LAMA1: variants seen among roughly 807,000 people sequenced by gnomAD.
The protein encoded by LAMA1 is laminin subunit alpha 1.
In LAMA1, 219 loss-of-function variants were observed where a neutral mutation model predicts 348.7. The observed-to-expected ratio is 0.63, with a 90% CI of 0.56 to 0.70. The LOEUF (loss-of-function observed/expected upper bound fraction) is 0.70. Ranked by LOEUF, LAMA1 falls within the 30% of genes least tolerant of loss-of-function variation. LAMA1 has a pLI of 0.00. For missense variants in LAMA1, 3,744 were observed against 3,888.0 expected (o/e 0.96, Z 0.99); for synonymous variants, 1,487 against 1,491.0 (o/e 1.00, Z 0.06).
At chr18:6,997,499 C>T (rs555485854) in intron 33 of LAMA1, among the ~76,000 whole-genome samples, 1 of 152,148 alleles carries the variant, frequency 6.6e-6, no homozygotes, top group Non-Finnish European at 1.5e-5. Context: ...ATGAGGAGTC[C>T]TCCAGAGAGC....
intron 29 of LAMA1, among the ~76,000 whole-genome samples, chr18:7,004,235 A>T (rs758030629): frequency 6.6e-6 from 1 of 152,192 alleles, no homozygotes; most frequent in Non-Finnish European, 1.5e-5. Context: ...TGATGTAAAA[A>T]GGTTCAGTCG....
At chr18:6,983,011 A>C (rs1352875934) in intron 40 of LAMA1, 88 bp downstream of exon 40, 2 of 1,525,960 alleles carry the variant, frequency 1.3e-6, no homozygotes, top group Admixed American at 3.4e-5. Flanking sequence ...GTTAATAGGC[A>C]GAAATTGGGG....
At chr18:7,045,483 T>A (rs934060331) in intron 6 of LAMA1, among the ~76,000 whole-genome samples, 1 of 151,504 alleles carries the variant, frequency 6.6e-6, no homozygotes, top group Admixed American at 6.6e-5. Flanking sequence ...TAAATAAAAA[T>A]TTTAAAAAAT....
chr18:6,972,879 A>C (rs1351542027), intron 47 of LAMA1, among the ~76,000 whole-genome samples, 178 bp downstream of exon 47: 2 of 152,092 alleles, frequency 1.3e-5, no homozygotes. Context: ...TAGTAGAGAC[A>C]AGAGTTTCTC....
chr18:6,947,274 C>T lies in LAMA1; in HGVS notation c.8733G>A (p.Gln2911=). 1.2e-6 allele frequency: 2 copies of T among 1,613,924 alleles called. No individual in the cohort carries two copies. Among genetic ancestry groups the T allele is most frequent in the Non-Finnish European group, 1.7e-6 (2 of 1,180,028 alleles). The change falls in exon 61 of 63, where the codon CAG becomes CAA. Residue 2911 remains glutamine (Q), a synonymous_variant. Transcript: ENST00000389658. Reference sequence around the variant, plus strand: ...ACTCCAGTGTGATGTTCACATCTGACTGGACTTTGTAGCCCTCTTTGACTG... The same window carrying T: ...ACTCCAGTGTGATGTTCACATCTGATTGGACTTTGTAGCCCTCTTTGACTG... ...AALVKEGYKV[Q]SDVNITLEFR...
chr18:7,031,345 C>T (rs1450419459), intron 16 of LAMA1, among the ~76,000 whole-genome samples: 1 of 152,104 alleles, frequency 6.6e-6, no homozygotes, highest in Non-Finnish European at 1.5e-5. Flanking sequence ...ACAAGTCTTG[C>T]CCCACACCTG....
intron 3 of LAMA1, among the ~76,000 whole-genome samples, chr18:7,073,293 T>C (rs1335507050): frequency 6.6e-6 from 1 of 152,230 alleles, no homozygotes; most frequent in African/African-American, 2.4e-5. Context: ...ACTTTAGCCA[T>C]GTTTAAGTGT....
chr18:7,036,102 G>A lies in LAMA1; in HGVS notation c.1738-14C>T. 1 of 1,588,554 alleles carries A rather than the reference G, an allele frequency of 6.3e-7. No individual in the cohort carries two copies. Among genetic ancestry groups the A allele is most frequent in the South Asian group, 1.1e-5 (1 of 90,548 alleles). On this transcript the variant is annotated splice_polypyrimidine_tract_variant and intron_variant, in intron 12 of 62. Coordinates refer to ENST00000389658, the MANE Select transcript of LAMA1 (RefSeq NM_005559.4). Reference sequence around the variant, plus strand: ...AAACGCAGTCAGCTGAAATGTTTAAGCGAGAATGAACACGAAAGGGGAAGA... The same window carrying A: ...AAACGCAGTCAGCTGAAATGTTTAAACGAGAATGAACACGAAAGGGGAAGA...
chr18:6,954,153 C>T (rs1346529011), intron 57 of LAMA1: 1 of 152,216 alleles, frequency 6.6e-6, no homozygotes, highest in Non-Finnish European at 1.5e-5. Context: ...TGCACTGGCT[C>T]CCCATGTCGT....
chr18:7,074,132 C>T (rs1032141749), intron 3 of LAMA1, among the ~76,000 whole-genome samples: 9 of 152,124 alleles, frequency 5.9e-5, no homozygotes, highest in Non-Finnish European at 1.5e-5. Flanking sequence ...CACGCCCGGC[C>T]AGAACAACCA....
At chr18:7,111,995 A>G (rs1186401380) in intron 1 of LAMA1, among the ~76,000 whole-genome samples, 1 of 152,202 alleles carries the variant, frequency 6.6e-6, no homozygotes, top group Non-Finnish European at 1.5e-5. Context: ...CAATACATTA[A>G]CTTATCCTTA....
At chr18:6,997,312 T>C (rs1477390852) in intron 33 of LAMA1, among the ~76,000 whole-genome samples, 4 of 152,224 alleles carry the variant, frequency 2.6e-5, no homozygotes, top group African/African-American at 7.2e-5. Flanking sequence ...TCCACCCGCC[T>C]TGGCCCCCCA....
chr18:6,974,019 A>G (rs2057670222), intron 46 of LAMA1, among the ~76,000 whole-genome samples: 1 of 152,036 alleles, frequency 6.6e-6, no homozygotes. Context: ...TCTTGCTCAA[A>G]CAATCCTCCC....
chr18:6,977,251 C>T (rs888403000), intron 44 of LAMA1, among the ~76,000 whole-genome samples: 1 of 152,198 alleles, frequency 6.6e-6, no homozygotes, highest in African/African-American at 2.4e-5. Flanking sequence ...TTTGTGCAGC[C>T]TTCGTTGCAT....
rs1192704315 is a variant in LAMA1, at chr18:6,965,294, T to G, written c.7189A>C (p.Lys2397Gln). 6.2e-7 allele frequency: 1 copy of G among 1,614,198 alleles called. No individual in the cohort carries two copies. The highest frequency in any genetic ancestry group is 8.5e-7 in the Non-Finnish European group (1 of 1,180,016). The change falls in exon 50 of 63, where the codon AAG (lysine) becomes CAG (glutamine). Residue 2397 changes from lysine (K) to glutamine (Q), a missense_variant. Lys to Gln is a moderately conservative substitution (Grantham distance 53, BLOSUM62 1). Around this residue, in one of 3 missense-constraint regions of LAMA1, gnomAD observed 1,983 missense variants for 1,934.3 expected, o/e 1.03. Transcript: ENST00000389658. ...WYKIAFQRNRKQGVLAVIDAY... is the reference protein window; with the variant it reads ...WYKIAFQRNRQQGVLAVIDAY... ...AGTCCATCTGTGTCCCTACCTTGCT[T>G]CCGGTTTCGCTGGAAGGCAATTTTG... is the stretch of plus-strand genomic sequence containing the variant.
At chr18:7,024,558 T>C (rs2057933837) in intron 17 of LAMA1, 92 bp from the exon 18 acceptor site, 4 of 1,029,870 alleles carry the variant, frequency 3.9e-6, no homozygotes, top group Non-Finnish European at 5.9e-6. Context: ...ACTCCTGTGC[T>C]TCCAGACCTT....
chr18:6,987,833 G>A (rs773284357), intron 36 of LAMA1, among the ~76,000 whole-genome samples: 2 of 152,118 alleles, frequency 1.3e-5, no homozygotes, highest in Non-Finnish European at 1.5e-5. Context: ...GTTGCATTAT[G>A]AGCAGGCAAC....
At chr18:6,947,519 C>T (rs2057527504) in intron 60 of LAMA1, among the ~76,000 whole-genome samples, 1 of 152,166 alleles carries the variant, frequency 6.6e-6, no homozygotes, top group South Asian at 2.1e-4. Context: ...CAGGTCAGAG[C>T]AGAGCCAGGC....
intron 3 of LAMA1, among the ~76,000 whole-genome samples, chr18:7,064,104 C>T (rs1598302638): frequency 1.3e-5 from 2 of 152,020 alleles, no homozygotes; most frequent in South Asian, 2.1e-4. Flanking sequence ...GGGTGTCAAG[C>T]CCCCATTCCC....
Sources: gnomAD v4.1 joint callset for allele counts (sites outside exome capture counted in the v4.1 genomes callset) on GRCh38, gnomAD v4.1.1 for gene constraint, gnomAD v4.1.1 regional missense constraint, MANE v1.5 for transcripts, NCBI Gene and HGNC (gene_info 2026-07-23, HGNC 2026-07-21) for gene names.